Variants in PHF3 observed in about 807,000 individuals in gnomAD.
PHF3 encodes PHD finger protein 3.
PHF3 carries 41 observed loss-of-function variants against 178.4 expected under a neutral mutation model. That is an observed-to-expected ratio of 0.23 (90% CI 0.18 to 0.30). The LOEUF (loss-of-function observed/expected upper bound fraction) is 0.30. Ranked by LOEUF, PHF3 falls within the 10% of genes least tolerant of loss-of-function variation. The probability of loss-of-function intolerance (pLI) is 1.00; values close to 1 mark genes in which losing one functional copy is unlikely to be tolerated. For synonymous variants in PHF3, 842 were observed against 800.5 expected, an observed-to-expected ratio of 1.05 and a Z score of -0.88; for missense variants, 2,346 against 2,398.1, an observed-to-expected ratio of 0.98 and a Z score of 0.45.
In PHF3 at chr6:63,635,813, G is replaced by A. The variant is rs1195552535; in HGVS notation, c.-363G>A. 7.6e-6 allele frequency: 3 copies of A among 394,270 alleles called. No individual in the cohort carries two copies. Among genetic ancestry groups the A allele is most frequent in the Non-Finnish European group, 1.3e-5 (3 of 223,378 alleles). 24.4% of individuals were successfully genotyped at this position (394,270 alleles called of 1,614,324 possible). ...CCGGAACGGTAAACAGTGGGGTCAC[G>A]TGACACGGCCCCTCTCCAGCTCCCG... On this transcript the variant is annotated 5_prime_UTR_variant, in exon 1 of 16. The change creates a new upstream start codon in the 5' untranslated region. Transcript: ENST00000262043.
chr6:63,712,568 G>A lies in PHF3; in HGVS notation c.4980G>A (p.Gln1660=). ...CTAGGCAAGCAGCAGGACGAAGTCA[G>A]CCTGTAACTACTTCAGAAAGCAAAG... ...RDPRQAAGRS[Q]PVTTSESKDG... Residue 1660 remains glutamine (Q), a synonymous_variant, in exon 16 of 16, where the codon CAG becomes CAA. Coordinates refer to ENST00000262043, the MANE Select transcript of PHF3 (RefSeq NM_001370348.2). 6.2e-7 allele frequency: 1 copy of A among 1,613,896 alleles called. No homozygotes were observed. Among genetic ancestry groups the A allele is most frequent in the Non-Finnish European group, 8.5e-7 (1 of 1,179,906 alleles).
rs1768411135 is a variant in PHF3, at chr6:63,721,883, G to GT, written c.*8179dup. 7.8e-7 allele frequency: 1 copy of GT among 1,286,126 alleles called. No homozygotes were observed. Among genetic ancestry groups the GT allele is most frequent in the Non-Finnish European group, 1.1e-6 (1 of 951,336 alleles). 79.7% of individuals were successfully genotyped at this position (1,286,126 alleles called of 1,614,324 possible). ...TGCTGTTTCTGGCCAAGTTGGATAA[G>GT]TTTTAGTTATGGGGAAAAAAGTAAC... On this transcript the variant is annotated 3_prime_UTR_variant, in exon 16 of 16. Coordinates refer to ENST00000262043, the MANE Select transcript of PHF3 (RefSeq NM_001370348.2).
chr6:63,677,955 G>T (rs1361530349), intron 2 of PHF3, among the ~76,000 whole-genome samples: 2 of 152,104 alleles, frequency 1.3e-5, no homozygotes, highest in East Asian at 3.9e-4. Context: ...GGGTGCAGTG[G>T]TTCACACCTG....
chr6:63,711,805 T>C lies in PHF3; in HGVS notation c.4217T>C (p.Leu1406Ser). Residue 1406 changes from leucine to serine, a missense_variant, in exon 16 of 16, where the codon TTA becomes TCA. Leu to Ser is a moderately radical substitution (Grantham distance 145). This residue lies in a region of PHF3 where 839 missense variants were observed against 806.9 expected (regional missense o/e 1.04). Transcript: ENST00000262043. ...TTTTTTAATTCTTTTACAACTGTAT[T>C]ACACAAGCAGAGAAATAAACCTCAG... ...NDFFNSFTTV[L>S]HKQRNKPQQN... 1 of 1,613,804 alleles carries C rather than the reference T, an allele frequency of 6.2e-7. No individual in the cohort carries two copies. The highest frequency in any genetic ancestry group is 8.5e-7 in the Non-Finnish European group (1 of 1,179,838).
At chr6:63,637,550 TTTAG>T (rs2149531600) in intron 1 of PHF3, among the ~76,000 whole-genome samples, 1 of 152,348 alleles carries the variant, frequency 6.6e-6, no homozygotes, top group African/African-American at 2.4e-5. Context: ...AATTTTAAAG[TTTAG>T]TTATCACTTA....
chr6:63,635,996 C>T lies in PHF3; in HGVS notation c.-180C>T, dbSNP rs1764312061. The T allele has an allele frequency of 2.5e-6, 1 of 397,798 alleles. No homozygotes were observed. Among genetic ancestry groups the T allele is most frequent in the Admixed American group, 4.4e-5 (1 of 22,692 alleles). The allele number at this position is 397,798 out of a possible 1,614,324, so 24.6% of individuals were successfully genotyped here. On this transcript the variant is annotated 5_prime_UTR_variant, in exon 1 of 16. Coordinates refer to ENST00000262043, the MANE Select transcript of PHF3 (RefSeq NM_001370348.2). ...TGTCGTCAGCAGCAGCCATTTGGTC[C>T]CAGGAGGAAAAGAGGCTGTGGCAGC...
At position 63,722,267 on chromosome 6, in the gene PHF3, C is replaced by G. The variant is rs995486907; in HGVS notation, c.*8559C>G. Among the ~76,000 whole-genome samples, 12 of 152,044 alleles carry G rather than the reference C, an allele frequency of 7.9e-5. No homozygotes were observed. The highest frequency in any genetic ancestry group is 2.7e-4 in the African/African-American group (11 of 41,414). On this transcript the variant is annotated 3_prime_UTR_variant, in exon 16 of 16. Coordinates refer to ENST00000262043, the MANE Select transcript of PHF3 (RefSeq NM_001370348.2). The stretch of plus-strand genomic sequence containing the variant: ...GACTTTGTTAATTAAGGATTTCATT[C>G]GCCTGTTTTCTAGGAACACTCCGCC...
intron 2 of PHF3, among the ~76,000 whole-genome samples, chr6:63,654,909 T>TC (rs1554148464): frequency 1.9e-4 from 29 of 149,610 alleles, no homozygotes; most frequent in Admixed American, 2.7e-4. Flanking sequence ...TTTTTTTTTT[T>TC]CGAGATGGGG....
chr6:63,669,956 A>G (rs908585107), intron 2 of PHF3, among the ~76,000 whole-genome samples: 3 of 152,156 alleles, frequency 2.0e-5, no homozygotes, highest in African/African-American at 7.2e-5. Flanking sequence ...ATGTGTTCCA[A>G]ATTTATTACA....
chr6:63,721,021 C>A lies in PHF3; in HGVS notation c.*7313C>A. 6.4e-7 allele frequency: 1 copy of A among 1,551,226 alleles called. No individual in the cohort carries two copies. The highest frequency in any genetic ancestry group is 8.7e-7 in the Non-Finnish European group (1 of 1,146,722). ...CCAATTGCCAGAAAATCATTTTCTT[C>A]ATTTTGAGCTATTCCCATCCATACA... On this transcript the variant is annotated 3_prime_UTR_variant, in exon 16 of 16. Transcript: ENST00000262043.
intron 2 of PHF3, among the ~76,000 whole-genome samples, chr6:63,673,233 A>G (rs1049144787): frequency 4.6e-5 from 7 of 152,138 alleles, no homozygotes; most frequent in South Asian, 4.1e-4. Context: ...TGCAGACCCA[A>G]TAAGTATTGT....
In PHF3 at chr6:63,719,136, C is replaced by T. The variant is rs573965285; in HGVS notation, c.*5428C>T. Among the ~76,000 whole-genome samples the T allele has an allele frequency of 1.3e-5, 2 of 152,112 alleles. No homozygotes were observed. The highest frequency in any genetic ancestry group is 4.1e-4 in the South Asian group (2 of 4,824). ...AACTGTATGTTTGGAAACATTTGTG[C>T]CCTGTCAAATGGTGTTGACATTCTT... On this transcript the variant is annotated 3_prime_UTR_variant, in exon 16 of 16. Transcript: ENST00000262043.
intron 9 of PHF3, among the ~76,000 whole-genome samples, chr6:63,702,024 T>C (rs1767497611): frequency 6.6e-6 from 1 of 152,210 alleles, no homozygotes. Context: ...CAACCGAATT[T>C]TCAGGGTCAC....
At chr6:63,702,830 G>C (rs373254939) in intron 10 of PHF3, among the ~76,000 whole-genome samples, 191 bp downstream of exon 10, 1 of 152,162 alleles carries the variant, frequency 6.6e-6, no homozygotes, top group Non-Finnish European at 1.5e-5. Flanking sequence ...GGTACCTGTT[G>C]AACAGTTATT....
intron 3 of PHF3, 37 bp from the exon 4 acceptor site, chr6:63,684,092 G>T (rs1240335090): frequency 7.0e-7 from 1 of 1,423,044 alleles, no homozygotes; most frequent in Non-Finnish European, 9.6e-7. Context: ...TGACAAAATA[G>T]CTAAGTATTT....
At position 63,720,936 on chromosome 6, in the gene PHF3, A is replaced by T; in HGVS notation, c.*7228A>T. 1 of 1,551,348 alleles carries T rather than the reference A, an allele frequency of 6.4e-7. No individual in the cohort carries two copies. The highest frequency in any genetic ancestry group is 8.7e-7 in the Non-Finnish European group (1 of 1,146,760). Reference sequence around the variant, plus strand: ...ACAGAATGTGCCATTGTTATAGCTCATAGGCACAGAGATTCTTTCTCCCAA... The same window carrying T: ...ACAGAATGTGCCATTGTTATAGCTCTTAGGCACAGAGATTCTTTCTCCCAA... On this transcript the variant is annotated 3_prime_UTR_variant, in exon 16 of 16. Coordinates refer to ENST00000262043, the MANE Select transcript of PHF3 (RefSeq NM_001370348.2).
At chr6:63,641,178 A>G (rs1051259345) in intron 1 of PHF3, among the ~76,000 whole-genome samples, 1 of 152,224 alleles carries the variant, frequency 6.6e-6, no homozygotes, top group Non-Finnish European at 1.5e-5. Context: ...GAAGGCATCA[A>G]GTGTGCTCCA....
intron 8 of PHF3, among the ~76,000 whole-genome samples, chr6:63,698,819 T>C (rs1424997683): frequency 2.0e-5 from 3 of 152,152 alleles, no homozygotes; most frequent in Admixed American, 6.5e-5. Flanking sequence ...GCTAAACGTG[T>C]CTTAACCTGA....
intron 8 of PHF3, 70 bp from the exon 9 acceptor site, chr6:63,700,280 A>T: frequency 1.6e-6 from 1 of 628,722 alleles, no homozygotes; most frequent in Non-Finnish European, 2.8e-6. Flanking sequence ...TATCTTTATT[A>T]TAAATTTCTG....
Sources: allele counts gnomAD v4.1 joint callset (sites outside exome capture counted in the v4.1 genomes callset), GRCh38; gene constraint gnomAD v4.1.1; regional missense constraint gnomAD v4.1.1; transcripts MANE v1.5; gene names NCBI Gene and HGNC (gene_info 2026-07-23, HGNC 2026-07-21).